Variants in STMND1 observed in about 807,000 individuals in gnomAD.
The protein encoded by STMND1 is stathmin domain containing 1, also known as stathmin domain-containing protein 1.
Under a neutral mutation model 23.0 loss-of-function variants are expected in STMND1, and 17 were observed. That is an observed-to-expected ratio of 0.74 (90% CI 0.51 to 1.11). The LOEUF is 1.11. Ranked by LOEUF, STMND1 falls within the 50% of genes least tolerant of loss-of-function variation. The pLI, the probability that STMND1 is intolerant of heterozygous loss-of-function variation, is 0.00. For missense variants in STMND1, 305 were observed against 329.1 expected, an observed-to-expected ratio of 0.93 and a Z score of 0.57; for synonymous variants, 114 against 119.9, an observed-to-expected ratio of 0.95 and a Z score of 0.32.
At chr6:17,114,932 G>T in intron 1 of STMND1, 30 bp from the exon 2 acceptor site, 1 of 1,487,520 alleles carries the variant, frequency 6.7e-7, no homozygotes, top group Non-Finnish European at 8.9e-7. Context: ...AAGAAATCTT[G>T]ACTCTAACAA....
chr6:17,120,860 A>G, intron 3 of STMND1, 102 bp downstream of exon 3: 1 of 927,634 alleles, frequency 1.1e-6, no homozygotes, highest in Non-Finnish European at 1.5e-6. Flanking sequence ...TACAATACAG[A>G]TAACAGCATT....
intron 2 of STMND1, among the ~76,000 whole-genome samples, chr6:17,118,276 T>A (rs1161535388): frequency 1.3e-5 from 2 of 152,142 alleles, no homozygotes; most frequent in Non-Finnish European, 2.9e-5. Context: ...CTAACATAAA[T>A]GTTAGCTAGA....
At chr6:17,121,345 G>A (rs565711754) in intron 3 of STMND1, among the ~76,000 whole-genome samples, 3 of 152,198 alleles carry the variant, frequency 2.0e-5, no homozygotes, top group African/African-American at 7.2e-5. Context: ...AGTAAAACAC[G>A]TATTGGGTTT....
chr6:17,106,850 G>A (rs987484574), intron 1 of STMND1, among the ~76,000 whole-genome samples: 5 of 152,058 alleles, frequency 3.3e-5, no homozygotes, highest in Non-Finnish European at 5.9e-5. Context: ...TTAGTTTATC[G>A]TGGTGAGAAG....
At chr6:17,104,162 G>A (rs191577624) in intron 1 of STMND1, among the ~76,000 whole-genome samples, 18 of 152,146 alleles carry the variant, frequency 1.2e-4, no homozygotes, top group African/African-American at 4.1e-4. Flanking sequence ...TTCCTGAGAT[G>A]CCCTCCCTGG....
intron 3 of STMND1, among the ~76,000 whole-genome samples, chr6:17,125,852 T>C (rs1217291226): frequency 1.3e-5 from 2 of 151,706 alleles, no homozygotes; most frequent in Non-Finnish European, 2.9e-5. Flanking sequence ...AAGTAAAATA[T>C]ACAAGTTAGT....
chr6:17,116,248 T>A (rs114250465), intron 2 of STMND1, among the ~76,000 whole-genome samples: 1,836 of 152,122 alleles, frequency 0.012, 40 homozygotes, highest in African/African-American at 0.042. Flanking sequence ...AGAGAACAGC[T>A]AGGGAGGAAG....
intron 1 of STMND1, among the ~76,000 whole-genome samples, chr6:17,108,700 T>TTTC (rs1761057743): frequency 6.6e-6 from 1 of 150,444 alleles, no homozygotes; most frequent in Non-Finnish European, 1.5e-5. Context: ...CTTTTTCTTT[T>TTTC]TTTTTTTTTT....
chr6:17,120,757 C>T lies in STMND1; in HGVS notation c.410C>T (p.Thr137Met), dbSNP rs141397376. 589 of 1,520,282 alleles carry T rather than the reference C, an allele frequency of 3.9e-4. 4 individuals carry two copies. The African/African-American group carries it at 6.6e-3, about 17-fold the overall frequency. The allele number at this position is 1,520,282 out of a possible 1,614,324, so 94.2% of individuals were successfully genotyped here. Residue 137 changes from threonine to methionine, a missense_variant and splice_region_variant, in exon 3 of 5, where the codon ACG becomes ATG. By Grantham distance (81) the Thr-to-Met change is moderately conservative (BLOSUM62 -1). Transcript: ENST00000536551. Reference protein sequence around the residue: ...VFRNGESYDVTLTTTEKPLRK... With the variant: ...VFRNGESYDVMLTTTEKPLRK... ...AGAAATGGAGAATCATATGATGTCA[C>T]GGCAAGTAATTTTGTAATTAACATT... is the stretch of plus-strand genomic sequence containing the variant.
At chr6:17,110,977 G>T (rs1761090512) in intron 1 of STMND1, 1 of 433,994 alleles carries the variant, frequency 2.3e-6, no homozygotes, top group Admixed American at 2.6e-5. Flanking sequence ...GGAGAGAGAA[G>T]ACATGGTAGT....
At chr6:17,107,694 T>C (rs1175086167) in intron 1 of STMND1, among the ~76,000 whole-genome samples, 1 of 152,190 alleles carries the variant, frequency 6.6e-6, no homozygotes, top group Non-Finnish European at 1.5e-5. Flanking sequence ...CTCCCCTGGC[T>C]CAAGAGATCC....
intron 3 of STMND1, among the ~76,000 whole-genome samples, chr6:17,124,350 A>C (rs1761268930): frequency 1.3e-5 from 2 of 152,274 alleles, no homozygotes; most frequent in African/African-American, 4.8e-5. Context: ...TATGTGGGCC[A>C]ATAGTATATT....
chr6:17,129,069 TG>T, intron 3 of STMND1, 42 bp from the exon 4 acceptor site: 1 of 1,524,378 alleles, frequency 6.6e-7, no homozygotes, highest in Non-Finnish European at 8.8e-7. Context: ...CTTCTGCCAG[TG>T]AATATGATTG....
chr6:17,122,498 A>G (rs1761247443), intron 3 of STMND1, among the ~76,000 whole-genome samples: 1 of 152,168 alleles, frequency 6.6e-6, no homozygotes, highest in South Asian at 2.1e-4. Flanking sequence ...AAAACTCATT[A>G]TTTAAATCAA....
At chr6:17,117,844 CT>C (rs201561950) in intron 2 of STMND1, among the ~76,000 whole-genome samples, 419 of 136,660 alleles carry the variant, frequency 3.1e-3, no homozygotes, top group Middle Eastern at 7.7e-3. Context: ...CCACACTTGG[CT>C]TTTTTTTTTT....
chr6:17,130,386 T>G (rs959064319), intron 4 of STMND1, among the ~76,000 whole-genome samples: 1 of 152,140 alleles, frequency 6.6e-6, no homozygotes, highest in African/African-American at 2.4e-5. Context: ...GCTCTCTAAT[T>G]GGCCTATCAG....
intron 1 of STMND1, among the ~76,000 whole-genome samples, chr6:17,105,055 T>A (rs1761003071): frequency 6.6e-6 from 1 of 152,238 alleles, no homozygotes; most frequent in African/African-American, 2.4e-5. Context: ...ACTATTTACA[T>A]AGCATTAACA....
chr6:17,127,994 A>G (rs912658273), intron 3 of STMND1: 1 of 126,640 alleles, frequency 7.9e-6, no homozygotes, highest in Non-Finnish European at 1.7e-5. Flanking sequence ...ATCTGGGAAG[A>G]CACACACTGA....
At chr6:17,107,487 C>T (rs760299640) in intron 1 of STMND1, among the ~76,000 whole-genome samples, 18 of 152,072 alleles carry the variant, frequency 1.2e-4, no homozygotes, top group Admixed American at 7.2e-4. Context: ...TCCGTACCCC[C>T]GAGGAAAAAA....
Sources: gnomAD v4.1 joint callset for allele counts (sites outside exome capture counted in the v4.1 genomes callset) on GRCh38, gnomAD v4.1.1 for gene constraint, MANE v1.5 for transcripts, NCBI Gene and HGNC (gene_info 2026-07-23, HGNC 2026-07-21) for gene names.